The following MAP4K4 variants were observed in gnomAD, a reference collection of about 807,000 sequenced individuals.
The protein encoded by MAP4K4 is mitogen-activated protein kinase kinase kinase kinase 4, also known as HPK/GCK-like kinase HGK.
A neutral mutation model predicts 189.6 loss-of-function variants in MAP4K4; 38 were observed. The observed-to-expected ratio is 0.20, with a 90% CI of 0.15 to 0.26. MAP4K4 has a LOEUF of 0.26. Ranked by LOEUF, MAP4K4 falls within the 10% of genes least tolerant of loss-of-function variation. The pLI is 1.00. For missense variants in MAP4K4, 1,054 were observed against 1,726.9 expected, an observed-to-expected ratio of 0.61 and a Z score of 6.91; for synonymous variants, 610 against 624.3, an observed-to-expected ratio of 0.98 and a Z score of 0.34.
Position 101,863,958 on chromosome 2 carries a change from G to A in MAP4K4, c.2004G>A (p.Glu668=). ...ACCCATGTCCACCTTCCCGCAGTGA[G>A]GTGCTCAGTCAGAGCTCTGACTCTA... The change falls in exon 17 of 33, where the codon GAG becomes GAA. Residue 668 remains glutamate, a synonymous_variant. Coordinates refer to ENST00000324219, the Ensembl canonical transcript of MAP4K4. 2.2e-6 allele frequency: 3 copies of A among 1,367,714 alleles called. No homozygotes were observed. In the South Asian group the frequency reaches 3.4e-5, roughly 16 times the overall value. 84.7% of individuals were successfully genotyped at this position (1,367,714 alleles called of 1,614,324 possible).
At chr2:101,709,934 G>A (rs2044470915) in intron 2 of MAP4K4, among the ~76,000 whole-genome samples, 1 of 152,152 alleles carries the variant, frequency 6.6e-6, no homozygotes, top group Non-Finnish European at 1.5e-5. Flanking sequence ...ATTAAGTTAA[G>A]TAATAGTTTA....
At chr2:101,867,945 C>A (rs1437744125) in intron 20 of MAP4K4, 84 bp from the exon 21 acceptor site, 1 of 1,369,302 alleles carries the variant, frequency 7.3e-7, no homozygotes, top group Non-Finnish European at 1.0e-6. Flanking sequence ...TCCCTCTCCC[C>A]TTCTTTCTCC....
At chr2:101,747,679 G>GT (rs1040865140) in intron 2 of MAP4K4, among the ~76,000 whole-genome samples, 2 of 152,104 alleles carry the variant, frequency 1.3e-5, no homozygotes, top group African/African-American at 2.4e-5. Flanking sequence ...TCCTTCCAAG[G>GT]TTTTTTTCCC....
In MAP4K4 at chr2:101,887,957, A is replaced by G; in HGVS notation, c.3931+20A>G. 6.4e-7 allele frequency: 1 copy of G among 1,561,492 alleles called. No individual in the cohort carries two copies. The highest frequency in any genetic ancestry group is 8.7e-7 in the Non-Finnish European group (1 of 1,155,034). On this transcript the variant is annotated intron_variant, in intron 31 of 32. Transcript: ENST00000324219. ...CAGTAGGTATGGAGAACTTGGGGAA[A>G]GGCAGCATTTGTGAAAATGGAGCCG... is the stretch of plus-strand genomic sequence containing the variant.
At chr2:101,752,859 G>A (rs761395640) in intron 2 of MAP4K4, among the ~76,000 whole-genome samples, 2 of 152,140 alleles carry the variant, frequency 1.3e-5, no homozygotes, top group Non-Finnish European at 2.9e-5. Context: ...GTATGAAACC[G>A]TGTCAGGCTC....
intron 1 of MAP4K4, 121 bp from the exon 2 acceptor site, chr2:101,698,352 G>A (rs2035777967): frequency 4.0e-6 from 4 of 993,066 alleles, no homozygotes; most frequent in Admixed American, 1.9e-5. Context: ...GGGCGCTGGG[G>A]GACCGCGCGG....
intron 2 of MAP4K4, among the ~76,000 whole-genome samples, chr2:101,778,168 C>T (rs1276384209): frequency 2.6e-5 from 4 of 152,082 alleles, no homozygotes; most frequent in Admixed American, 6.5e-5. Flanking sequence ...CTGGGGGGAC[C>T]CACAAGGCAG....
intron 10 of MAP4K4, among the ~76,000 whole-genome samples, chr2:101,841,088 A>G (rs1038693111): frequency 2.6e-5 from 4 of 152,214 alleles, no homozygotes; most frequent in African/African-American, 9.6e-5. Flanking sequence ...TTCATGGAAC[A>G]TTTGCCAGAT....
chr2:101,773,734 A>G lies in MAP4K4; in HGVS notation c.124-16986A>G, dbSNP rs911308043. The stretch of plus-strand genomic sequence containing the variant: ...TTGTACCCACTAACCCCCCTCCCCA[A>G]CCACACTTACCTTCCCAGCCTCTGG... On this transcript the variant is annotated intron_variant, in intron 2 of 32. Transcript: ENST00000324219. Among the ~76,000 whole-genome samples the G allele has an allele frequency of 7.9e-5, 12 of 152,116 alleles. No homozygotes were observed. The South Asian group carries it at 1.9e-3, about 24-fold the overall frequency.
At chr2:101,887,228 A>G in exon 30 of MAP4K4, 2 of 1,610,000 alleles carry the variant, frequency 1.2e-6, no homozygotes, top group Non-Finnish European at 8.5e-7. Context: ...ACATTTATCT[A>G]CCAACACATG....
intron 12 of MAP4K4, among the ~76,000 whole-genome samples, chr2:101,846,712 G>A (rs1335188868): frequency 1.3e-5 from 2 of 152,208 alleles, no homozygotes; most frequent in African/African-American, 4.8e-5. Flanking sequence ...GATTTTCAGT[G>A]TAAGTTCAAA....
chr2:101,816,618 A>G (rs1032797424), intron 3 of MAP4K4, among the ~76,000 whole-genome samples: 22 of 152,194 alleles, frequency 1.4e-4, no homozygotes, highest in Non-Finnish European at 2.2e-4. Flanking sequence ...AAGACAGTGG[A>G]TGATGAGTGC....
Position 101,852,297 on chromosome 2 carries a change from A to G in MAP4K4, c.1234-3680A>G, listed in dbSNP as rs779541847. On this transcript the variant is annotated intron_variant, in intron 12 of 32. Transcript: ENST00000324219. ...TAAATGGATTCCTGAGTCTGTCATC[A>G]CTCTAAATGCTAAGCGTTGGGTAAA... Among the ~76,000 whole-genome samples, 4 of 152,194 alleles carry G rather than the reference A, an allele frequency of 2.6e-5. No homozygotes were observed. In the Middle Eastern group the frequency reaches 0.01, roughly 388 times the overall value.
rs1473413609 is a variant in MAP4K4, at chr2:101,814,777, C to T, written c.181-9151C>T. ...TTATTTTATCTTCCTTTTTTCTACT[C>T]GTGTACTGTGGTGATTCATGAAACA... On this transcript the variant is annotated intron_variant, in intron 3 of 32. Coordinates refer to ENST00000324219, the Ensembl canonical transcript of MAP4K4. Among the ~76,000 whole-genome samples, 12 of 152,052 alleles carry T rather than the reference C, an allele frequency of 7.9e-5. 1 individual carries two copies. The highest frequency in any genetic ancestry group is 2.4e-4 in the African/African-American group (10 of 41,396).
chr2:101,858,273 C>T (rs1490083108), intron 13 of MAP4K4, among the ~76,000 whole-genome samples: 2 of 152,202 alleles, frequency 1.3e-5, no homozygotes, highest in Admixed American at 1.3e-4. Context: ...TTACCCCTCT[C>T]TATAACATAT....
intron 16 of MAP4K4, 197 bp downstream of exon 16, chr2:101,861,183 A>T (rs906956072): frequency 7.1e-6 from 4 of 567,256 alleles, no homozygotes; most frequent in Non-Finnish European, 1.2e-5. Context: ...TGAGATTTCT[A>T]TGTACTCATT....
chr2:101,759,817 A>C (rs1397788946), intron 2 of MAP4K4, among the ~76,000 whole-genome samples: 6 of 95,494 alleles, frequency 6.3e-5, no homozygotes, highest in African/African-American at 1.6e-4. Context: ...TCCCCTTCCC[A>C]TCCCCCTTCC....
At chr2:101,792,585 C>T (rs1050696223) in intron 3 of MAP4K4, among the ~76,000 whole-genome samples, 1 of 132,132 alleles carries the variant, frequency 7.6e-6, no homozygotes, top group Non-Finnish European at 1.6e-5. Context: ...CTTACTGCCA[C>T]CTTCTCCTCC....
At chr2:101,831,679 T>C in intron 6 of MAP4K4, 42 bp from the exon 7 acceptor site, 1 of 1,561,912 alleles carries the variant, frequency 6.4e-7, no homozygotes, top group Non-Finnish European at 8.7e-7. Flanking sequence ...GGTTTGTAGT[T>C]GTGTTTATCT....
Sources: gnomAD v4.1 joint callset for allele counts (sites outside exome capture counted in the v4.1 genomes callset) on GRCh38, gnomAD v4.1.1 for gene constraint, MANE v1.5 for transcripts, NCBI Gene and HGNC (gene_info 2026-07-23, HGNC 2026-07-21) for gene names.